Variants in CHRNB3 observed in about 807,000 individuals in gnomAD.
CHRNB3 encodes neuronal acetylcholine receptor subunit beta-3.
Under a neutral mutation model 40.6 loss-of-function variants are expected in CHRNB3, and 37 were observed. The ratio of observed to expected loss-of-function variants is 0.91; its 90% CI spans 0.70 to 1.20. CHRNB3 has a LOEUF of 1.20. CHRNB3 is among the 50% of genes most tolerant of loss of function. CHRNB3 has a pLI of 0.00. For synonymous variants in CHRNB3, 207 were observed against 207.1 expected (o/e 1.00, Z 0.00); for missense variants, 505 against 551.2 (o/e 0.92, Z 0.84).
chr8:42,712,447 C>T (rs1327072276), intron 3 of CHRNB3, among the ~76,000 whole-genome samples: 1 of 152,174 alleles, frequency 6.6e-6, no homozygotes, highest in Non-Finnish European at 1.5e-5. Flanking sequence ...ATGTCTCCCA[C>T]CCAACAACTT....
At position 42,736,623 on chromosome 8, in the gene CHRNB3, T is replaced by G. The variant is rs886567145; in HGVS notation, c.*5T>G. 1.9e-6 allele frequency: 3 copies of G among 1,613,998 alleles called. No homozygotes were observed. The highest frequency in any genetic ancestry group is 2.5e-6 in the Non-Finnish European group (3 of 1,180,026). Reference sequence around the variant, plus strand: ...TGGCTACATAGTTACCATTAGGAATTTAAAAGACATAAGACTAAATTACAC... The same window carrying G: ...TGGCTACATAGTTACCATTAGGAATGTAAAAGACATAAGACTAAATTACAC... On this transcript the variant is annotated 3_prime_UTR_variant, in exon 6 of 6. Coordinates refer to ENST00000289957, the MANE Select transcript of CHRNB3 (RefSeq NM_000749.5).
chr8:42,708,495 A>ACACACACC (rs1422379818), intron 1 of CHRNB3, among the ~76,000 whole-genome samples: 1 of 151,918 alleles, frequency 6.6e-6, no homozygotes, highest in Non-Finnish European at 1.5e-5. Flanking sequence ...ACACACACAC[A>ACACACACC]CAAACAAAAT....
rs575595843 is a variant in CHRNB3 at position 42,708,811 on chromosome 8, T to C, written c.147T>C (p.His49=). Residue 49 remains histidine (H), a synonymous_variant, in exon 2 of 6, where the codon CAT becomes CAC. Coordinates refer to ENST00000289957, the MANE Select transcript of CHRNB3 (RefSeq NM_000749.5). ...AGAAATGGGTCCGCCCTGTATTACA[T>C]TCTAATGACACCATAAAAGTATATT... ...GYQKWVRPVL[H]SNDTIKVYFG... 1 of 1,614,092 alleles carries C rather than the reference T, an allele frequency of 6.2e-7. No individual in the cohort carries two copies. Among genetic ancestry groups the C allele is most frequent in the African/African-American group, 1.3e-5 (1 of 75,038 alleles).
chr8:42,712,746 G>A (rs1187012886), intron 3 of CHRNB3, among the ~76,000 whole-genome samples: 1 of 151,914 alleles, frequency 6.6e-6, no homozygotes, highest in Non-Finnish European at 1.5e-5. Flanking sequence ...GTTTGCAGGG[G>A]AGAAAAGAAC....
chr8:42,716,093 A>G (rs1009159190), intron 3 of CHRNB3, among the ~76,000 whole-genome samples: 1 of 147,304 alleles, frequency 6.8e-6, no homozygotes, highest in Non-Finnish European at 1.5e-5. Context: ...ATTCTGCTTC[A>G]GCCTCCCGAG....
intron 3 of CHRNB3, among the ~76,000 whole-genome samples, chr8:42,717,819 CTTTTT>C (rs71550406): frequency 1.0e-5 from 1 of 100,202 alleles, no homozygotes; most frequent in African/African-American, 4.0e-5. Context: ...CTTTCTCATC[CTTTTT>C]TTTTTTTTTT....
chr8:42,726,728 G>A (rs1463325164), intron 3 of CHRNB3, among the ~76,000 whole-genome samples: 2 of 152,158 alleles, frequency 1.3e-5, no homozygotes, highest in Non-Finnish European at 1.5e-5. Flanking sequence ...GACTTCAGGT[G>A]ATCCACCCGC....
chr8:42,716,171 TTCA>T (rs1816100345), intron 3 of CHRNB3, among the ~76,000 whole-genome samples: 1 of 151,992 alleles, frequency 6.6e-6, no homozygotes, highest in African/African-American at 2.4e-5. Context: ...AGACGAGGGT[TTCA>T]TCATGTTGGC....
intron 3 of CHRNB3, among the ~76,000 whole-genome samples, chr8:42,712,285 A>G (rs2128905887): frequency 6.6e-6 from 1 of 152,094 alleles, no homozygotes; most frequent in East Asian, 1.9e-4. Flanking sequence ...GAGCCACCGC[A>G]CCCACCCTAA....
intron 3 of CHRNB3, among the ~76,000 whole-genome samples, chr8:42,723,602 C>G (rs1031608224): frequency 6.6e-6 from 1 of 152,178 alleles, no homozygotes; most frequent in Non-Finnish European, 1.5e-5. Flanking sequence ...GGCTGCACAT[C>G]TCCTGGGGGC....
chr8:42,698,064 A>T (rs895239532), intron 1 of CHRNB3, among the ~76,000 whole-genome samples: 1 of 152,218 alleles, frequency 6.6e-6, no homozygotes, highest in Non-Finnish European at 1.5e-5. Flanking sequence ...GTATGTAGGT[A>T]GATTTAGCAT....
Position 42,708,849 on chromosome 8 carries a change from T to C in CHRNB3, c.185T>C (p.Ile62Thr). The change falls in exon 2 of 6, where the codon ATA becomes ACA. Residue 62 changes from isoleucine to threonine, a missense_variant. Physicochemically the swap from Ile to Thr is moderately conservative, Grantham distance 89 (BLOSUM62 -1). Transcript: ENST00000289957. The stretch of plus-strand genomic sequence containing the variant: ...ATAAAAGTATATTTTGGATTGAAAA[T>C]ATCCCAGCTTGTAGATGTGGTGAGT... ...DTIKVYFGLK[I>T]SQLVDVDEKN... 2 of 1,613,164 alleles carry C rather than the reference T, an allele frequency of 1.2e-6. No homozygotes were observed. The highest frequency in any genetic ancestry group is 1.7e-6 in the Non-Finnish European group (2 of 1,179,602).
intron 3 of CHRNB3, among the ~76,000 whole-genome samples, chr8:42,716,589 A>G (rs1047268583): frequency 3.3e-5 from 5 of 152,046 alleles, no homozygotes; most frequent in African/African-American, 4.8e-5. Flanking sequence ...GCAAATTAAG[A>G]GGCAGTTTAT....
At chr8:42,725,999 T>C in intron 3 of CHRNB3, 1 of 1,146,184 alleles carries the variant, frequency 8.7e-7, no homozygotes, top group Non-Finnish European at 1.3e-6. Context: ...AATTCCAAGG[T>C]GTGGTTTCAC....
intron 1 of CHRNB3, chr8:42,705,821 C>T (rs1815912217): frequency 6.6e-6 from 1 of 152,284 alleles, no homozygotes; most frequent in Non-Finnish European, 1.5e-5. Context: ...GGTCCCAACT[C>T]TCCAGATGCC....
Position 42,708,739 on chromosome 8 carries a change from C to T in CHRNB3, c.75C>T (p.Ile25=), listed in dbSNP as rs79124649. 3,335 of 1,613,942 alleles carry T rather than the reference C, an allele frequency of 2.1e-3. 62 individuals carry two copies. In the African/African-American group the frequency reaches 0.039, roughly 19 times the overall value. Residue 25 remains isoleucine, a synonymous_variant, in exon 2 of 6, where the codon ATC becomes ATT. Transcript: ENST00000289957. ...CAGCCACCACAGGTTTCAACTCAAT[C>T]GCCGAAAATGAAGATGCCCTCCTCA... ...PSSATTGFNS[I]AENEDALLRH...
chr8:42,700,969 G>A (rs144143549), intron 1 of CHRNB3, among the ~76,000 whole-genome samples: 135 of 151,944 alleles, frequency 8.9e-4, no homozygotes, highest in African/African-American at 2.7e-3. Flanking sequence ...TGGGGCTTAC[G>A]TCTGTAATCC....
chr8:42,725,983 T>C, intron 3 of CHRNB3: 4 of 1,134,594 alleles, frequency 3.5e-6, no homozygotes, highest in Non-Finnish European at 5.3e-6. Flanking sequence ...GGAATGTTTA[T>C]CTGGCAATTC....
chr8:42,709,500 T>G (rs1168986361), intron 2 of CHRNB3, among the ~76,000 whole-genome samples: 2 of 152,164 alleles, frequency 1.3e-5, no homozygotes, highest in Non-Finnish European at 2.9e-5. Flanking sequence ...TTGTCCATAT[T>G]CTCCACCCTA....
Sources: allele counts gnomAD v4.1 joint callset (sites outside exome capture counted in the v4.1 genomes callset), GRCh38; gene constraint gnomAD v4.1.1; transcripts MANE v1.5; gene names NCBI Gene and HGNC (gene_info 2026-07-23, HGNC 2026-07-21).